PALLD: variants seen among roughly 807,000 people sequenced by gnomAD.
PALLD encodes palladin, cytoskeletal associated protein, also known as palladin.
Under a neutral mutation model 123.5 loss-of-function variants are expected in PALLD, and 61 were observed. The observed-to-expected ratio is 0.49, with a 90% CI of 0.40 to 0.61. The LOEUF is 0.61. Among genes scored for constraint, PALLD ranks in the 20% least tolerant of loss-of-function variants. The pLI is 0.00. For synonymous variants in PALLD, 465 were observed against 496.4 expected, an observed-to-expected ratio of 0.94 and a Z score of 0.84; for missense variants, 1,273 against 1,377.0, an observed-to-expected ratio of 0.92 and a Z score of 1.20.
chr4:168,749,255 G>C (rs1730710565), intron 10 of PALLD, among the ~76,000 whole-genome samples: 1 of 152,142 alleles, frequency 6.6e-6, no homozygotes, highest in South Asian at 2.1e-4. Flanking sequence ...AGATGCTGGT[G>C]CCATGCCTGT....
chr4:168,758,400 A>G (rs955962833), intron 10 of PALLD, among the ~76,000 whole-genome samples: 18 of 152,146 alleles, frequency 1.2e-4, no homozygotes, highest in Admixed American at 4.6e-4. Flanking sequence ...TCTTCCTTTC[A>G]GTGACTCCAC....
intron 15 of PALLD, chr4:168,904,212 A>G (rs1332491488): frequency 6.0e-6 from 2 of 331,488 alleles, no homozygotes; most frequent in East Asian, 6.2e-5. Context: ...ATGGTAAAAA[A>G]TAAGCAATTA....
intron 15 of PALLD, chr4:168,904,159 T>C (rs1757132730): frequency 2.1e-6 from 1 of 471,676 alleles, no homozygotes; most frequent in Non-Finnish European, 3.9e-6. Flanking sequence ...ACACACTTTC[T>C]ATGTGGGTGA....
chr4:168,632,441 A>G lies in PALLD; in HGVS notation c.909-35749A>G, dbSNP rs146908017. Among the ~76,000 whole-genome samples, 47 of 152,308 alleles carry G rather than the reference A, an allele frequency of 3.1e-4. 1 individual carries two copies. The highest frequency in any genetic ancestry group is 6.0e-4 in the African/African-American group (25 of 41,562). On this transcript the variant is annotated intron_variant, in intron 2 of 21. Coordinates refer to ENST00000505667, the MANE Select transcript of PALLD (RefSeq NM_001166108.2). ...TCACAAGGTTTTGGTGATTTTTCCC[A>G]TGAGAAATCTGGGCGTTTTCACACC... is the stretch of plus-strand genomic sequence containing the variant.
chr4:168,812,310 T>C (rs971977153), intron 10 of PALLD, among the ~76,000 whole-genome samples: 2 of 152,160 alleles, frequency 1.3e-5, no homozygotes, highest in Non-Finnish European at 2.9e-5. Flanking sequence ...GTAAGGGGTA[T>C]CTAAGAATCT....
chr4:168,857,909 C>G (rs1297718397), intron 10 of PALLD, among the ~76,000 whole-genome samples: 11 of 152,228 alleles, frequency 7.2e-5, no homozygotes. Context: ...GAATGACATG[C>G]GCTTTCCTAA....
At chr4:168,890,537 T>A (rs1314394585) in intron 10 of PALLD, among the ~76,000 whole-genome samples, 1 of 152,182 alleles carries the variant, frequency 6.6e-6, no homozygotes, top group Non-Finnish European at 1.5e-5. Flanking sequence ...GTATATATTT[T>A]TTTAAAACTT....
chr4:168,579,670 G>A (rs963466369), intron 2 of PALLD, among the ~76,000 whole-genome samples: 66 of 151,950 alleles, frequency 4.3e-4, no homozygotes, highest in African/African-American at 1.5e-3. Flanking sequence ...GTAGCTTAAC[G>A]GGGCATTGTT....
At chr4:168,626,241 A>G (rs1007687289) in intron 2 of PALLD, among the ~76,000 whole-genome samples, 1 of 151,986 alleles carries the variant, frequency 6.6e-6, no homozygotes, top group Non-Finnish European at 1.5e-5. Context: ...TCTACTAAAA[A>G]TACAAAAGAA....
intron 8 of PALLD, among the ~76,000 whole-genome samples, chr4:168,693,256 C>A (rs2150131485): frequency 6.6e-6 from 1 of 152,120 alleles, no homozygotes; most frequent in East Asian, 1.9e-4. Context: ...TACATACACT[C>A]CTTCTGTTTC....
chr4:168,846,156 CCA>C (rs71980322), intron 10 of PALLD, among the ~76,000 whole-genome samples: 3,603 of 152,244 alleles, frequency 0.024, 142 homozygotes, highest in African/African-American at 0.079. Flanking sequence ...AACCCTAAGC[CCA>C]CTGCACGCTT....
chr4:168,564,538 C>A lies in PALLD; in HGVS notation c.908+52126C>A, dbSNP rs148991934. On this transcript the variant is annotated intron_variant, in intron 2 of 21. Transcript: ENST00000505667. ...GAAATAATCTAAAATTGTGGATAGA[C>A]TAAACAAGATGTTTTCTATATATGG... is the stretch of plus-strand genomic sequence containing the variant. Among the ~76,000 whole-genome samples the A allele has an allele frequency of 1.8e-3, 281 of 152,250 alleles. 1 individual carries two copies. The highest frequency in any genetic ancestry group is 6.4e-3 in the African/African-American group (266 of 41,544).
rs116029544 is a variant in PALLD, at chr4:168,762,482, A to G, written c.1964+50559A>G. Among the ~76,000 whole-genome samples, 605 of 152,338 alleles carry G rather than the reference A, an allele frequency of 4.0e-3. 6 individuals carry two copies. Among genetic ancestry groups the G allele is most frequent in the African/African-American group, 0.014 (571 of 41,584 alleles). Reference sequence around the variant, plus strand: ...GAGTGAGACCCTATCCCAAAAAAAAAGAAAAAGCCATTCTCTGGCGATCAT... The same window carrying G: ...GAGTGAGACCCTATCCCAAAAAAAAGGAAAAAGCCATTCTCTGGCGATCAT... On this transcript the variant is annotated intron_variant, in intron 10 of 21. Transcript: ENST00000505667.
intron 10 of PALLD, among the ~76,000 whole-genome samples, chr4:168,779,733 C>T (rs1304375175): frequency 2.0e-5 from 3 of 152,064 alleles, no homozygotes; most frequent in Non-Finnish European, 2.9e-5. Flanking sequence ...TAATTAATTA[C>T]TTGACTCCAA....
chr4:168,924,360 C>G lies in PALLD; in HGVS notation c.3164C>G (p.Pro1055Arg). ...RLECRVLGVP[P>R]PQIFWKKENE... The stretch of plus-strand genomic sequence containing the variant: ...GAATGTCGTGTATTGGGAGTGCCAC[C>G]ACCTCAGATATTTTGGAAGAAAGAA... Residue 1055 changes from proline (P) to arginine (R), a missense_variant, in exon 19 of 22, where the codon CCA becomes CGA. Physicochemically the swap from Pro to Arg is moderately radical, Grantham distance 103. Coordinates refer to ENST00000505667, the MANE Select transcript of PALLD (RefSeq NM_001166108.2). 6.2e-7 allele frequency: 1 copy of G among 1,613,912 alleles called. No homozygotes were observed. Among genetic ancestry groups the G allele is most frequent in the Non-Finnish European group, 8.5e-7 (1 of 1,179,852 alleles).
At chr4:168,884,083 C>A (rs920405690) in intron 10 of PALLD, among the ~76,000 whole-genome samples, 9 of 152,070 alleles carry the variant, frequency 5.9e-5, no homozygotes, top group African/African-American at 2.2e-4. Context: ...TCTAACATAG[C>A]ATTAGTTTTA....
At chr4:168,845,243 A>C (rs142096561) in intron 10 of PALLD, among the ~76,000 whole-genome samples, 4 of 152,280 alleles carry the variant, frequency 2.6e-5, no homozygotes, top group African/African-American at 9.6e-5. Context: ...AATCGAACAA[A>C]ATATTTCCTA....
Position 168,865,316 on chromosome 4 carries a change from A to G in PALLD, c.1965-25606A>G, listed in dbSNP as rs558673184. 2.0e-5 allele frequency among the ~76,000 whole-genome samples: 3 copies of G among 152,330 alleles called. No individual in the cohort carries two copies. The East Asian group carries it at 5.8e-4, about 29-fold the overall frequency. On this transcript the variant is annotated intron_variant, in intron 10 of 21. Transcript: ENST00000505667. ...GCATCTCTTGTGCTTGCCAAAACGC[A>G]TTTTTGAGCTTTTTCAAGAACTTTC...
intron 10 of PALLD, among the ~76,000 whole-genome samples, chr4:168,862,498 G>A (rs1749638826): frequency 6.6e-6 from 1 of 152,286 alleles, no homozygotes; most frequent in East Asian, 1.9e-4. Context: ...AACAGTCATT[G>A]TGCTTTAATT....
Sources: gnomAD v4.1 joint callset for allele counts (sites outside exome capture counted in the v4.1 genomes callset) on GRCh38, gnomAD v4.1.1 for gene constraint, MANE v1.5 for transcripts, NCBI Gene and HGNC (gene_info 2026-07-23, HGNC 2026-07-21) for gene names.